SLC12A1: variants seen among roughly 807,000 people sequenced by gnomAD.
The protein encoded by SLC12A1 is solute carrier family 12 member 1, also known as Na-K-2Cl cotransporter.
Under a neutral mutation model 130.4 loss-of-function variants are expected in SLC12A1, and 89 were observed. The ratio of observed to expected loss-of-function variants is 0.68; its 90% CI spans 0.58 to 0.81. The LOEUF (loss-of-function observed/expected upper bound fraction) is 0.81. Among genes scored for constraint, SLC12A1 ranks in the 40% least tolerant of loss-of-function variants. The pLI, the probability that SLC12A1 is intolerant of heterozygous loss-of-function variation, is 0.00. For synonymous variants in SLC12A1, 499 were observed against 460.0 expected (o/e 1.08, Z -1.09); for missense variants, 1,310 against 1,336.4 (o/e 0.98, Z 0.31).
At chr15:48,268,958 C>G (rs2141089371) in intron 18 of SLC12A1, among the ~76,000 whole-genome samples, 1 of 152,180 alleles carries the variant, frequency 6.6e-6, no homozygotes, top group East Asian at 1.9e-4. Flanking sequence ...AAAATTTGAA[C>G]ATGCATACAT....
chr15:48,221,110 G>A (rs1416285432), intron 4 of SLC12A1, 114 bp downstream of exon 4: 3 of 1,009,816 alleles, frequency 3.0e-6, no homozygotes, highest in African/African-American at 1.6e-5. Flanking sequence ...ATAATTTACA[G>A]TTGGGCTCCT....
intron 4 of SLC12A1, chr15:48,224,771 G>T (rs1052630277): frequency 6.6e-6 from 1 of 152,082 alleles, no homozygotes; most frequent in Non-Finnish European, 1.5e-5. Flanking sequence ...TTTTTCGGTT[G>T]TCTCAGCTCC....
At chr15:48,226,621 G>A (rs746946155) in intron 5 of SLC12A1, 50 bp downstream of exon 5, 10 of 1,137,748 alleles carry the variant, frequency 8.8e-6, no homozygotes, top group Non-Finnish European at 1.1e-5. Flanking sequence ...ACGGGTAGGC[G>A]AACAATTTTT....
At chr15:48,237,589 A>C (rs907648584) in intron 9 of SLC12A1, among the ~76,000 whole-genome samples, 6 of 152,220 alleles carry the variant, frequency 3.9e-5, no homozygotes, top group African/African-American at 7.2e-5. Flanking sequence ...GGGGGCATAC[A>C]TGGTCATAAT....
At position 48,246,803 on chromosome 15, in the gene SLC12A1, G is replaced by A. The variant is rs1006711385; in HGVS notation, c.1453-106G>A. On this transcript the variant is annotated intron_variant, in intron 11 of 26. Coordinates refer to ENST00000380993, the MANE Select transcript of SLC12A1 (RefSeq NM_000338.3). ...AAACAAACAACAACAACAAGAAAAG[G>A]AATGTGAGAATGAAGCAGGGGGAAA... 3 of 824,424 alleles carry A rather than the reference G, an allele frequency of 3.6e-6. No individual in the cohort carries two copies. In the African/African-American group the frequency reaches 5.1e-5, roughly 14 times the overall value. The allele number at this position is 824,424 out of a possible 1,614,324, so 51.1% of individuals were successfully genotyped here. A position where few individuals can be genotyped will look rare whatever the true frequency, so the allele number is the denominator to read the frequency against.
At chr15:48,261,653 G>T (rs1281883665) in intron 17 of SLC12A1, among the ~76,000 whole-genome samples, 1 of 152,198 alleles carries the variant, frequency 6.6e-6, no homozygotes, top group Non-Finnish European at 1.5e-5. Flanking sequence ...GGGATATAGG[G>T]GGAGTAAGTA....
chr15:48,207,503 G>T, intron 1 of SLC12A1, 31 bp from the exon 2 acceptor site: 1 of 392,560 alleles, frequency 2.5e-6, no homozygotes, highest in Non-Finnish European at 4.5e-6. Flanking sequence ...GTATTACTTG[G>T]AACAAGTTTA....
chr15:48,290,407 A>G (rs2042106725), intron 23 of SLC12A1, among the ~76,000 whole-genome samples: 1 of 152,226 alleles, frequency 6.6e-6, no homozygotes, highest in Admixed American at 6.5e-5. Context: ...AAATAATAAT[A>G]AAAGGTATAG....
chr15:48,247,888 A>G (rs1235764743), intron 13 of SLC12A1, among the ~76,000 whole-genome samples: 26 of 152,164 alleles, frequency 1.7e-4, no homozygotes, highest in Non-Finnish European at 1.5e-5. Context: ...TTCAGGCCCA[A>G]TTCCAGAGTA....
At chr15:48,224,611 C>A (rs577973825) in intron 4 of SLC12A1, 1 of 135,208 alleles carries the variant, frequency 7.4e-6, no homozygotes, top group African/African-American at 2.7e-5. Context: ...TGTGTAGATG[C>A]CTGTGGTGCC....
intron 9 of SLC12A1, among the ~76,000 whole-genome samples, chr15:48,239,080 A>G (rs567666389): frequency 6.6e-6 from 1 of 152,356 alleles, no homozygotes; most frequent in Admixed American, 6.5e-5. Context: ...GCGTGTGGAT[A>G]GAAACTACAT....
chr15:48,301,502 T>TGGGGGGG (rs1555387784), intron 26 of SLC12A1, 120 bp downstream of exon 26: 75 of 439,376 alleles, frequency 1.7e-4, no homozygotes, highest in South Asian at 5.4e-4. Context: ...GTGTTTTTTT[T>TGGGGGGG]GGGGGGGGGA....
intron 10 of SLC12A1, among the ~76,000 whole-genome samples, chr15:48,244,421 T>G (rs1165533804): frequency 6.6e-6 from 1 of 152,190 alleles, no homozygotes; most frequent in Non-Finnish European, 1.5e-5. Flanking sequence ...CAGTTGGTAG[T>G]ACTAAGCCAG....
At chr15:48,273,100 C>CAA (rs58343718) in intron 19 of SLC12A1, among the ~76,000 whole-genome samples, 8,178 of 81,748 alleles carry the variant, frequency 0.1, 793 homozygotes, top group East Asian at 0.32. Flanking sequence ...GTCAGACTGT[C>CAA]AAAAAAAAAA....
chr15:48,247,555 G>C, intron 13 of SLC12A1, 95 bp downstream of exon 13: 1 of 985,580 alleles, frequency 1.0e-6, no homozygotes, highest in Non-Finnish European at 1.5e-6. Flanking sequence ...CTCGTTTTAT[G>C]TTTAGGATCC....
intron 19 of SLC12A1, among the ~76,000 whole-genome samples, chr15:48,270,557 G>A (rs993547282): frequency 1.8e-4 from 27 of 147,198 alleles, no homozygotes; most frequent in Middle Eastern, 7.3e-3. Context: ...TGACTATAAC[G>A]CTATGCTTTC....
rs543947471 is a variant in SLC12A1, at chr15:48,251,691, T to A, written c.1863T>A (p.Phe621Leu). 3 of 1,613,790 alleles carry A rather than the reference T, an allele frequency of 1.9e-6. No homozygotes were observed. The highest frequency in any genetic ancestry group is 3.3e-5 in the Admixed American group (2 of 60,020). ...FGAVLCCAVM[F>L]VINWWAAVIT... ...CTGTTTTGTGCTGTGCAGTCATGTT[T>A]GTCATCAACTGGTGGGCAGCTGTCA... Residue 621 changes from phenylalanine (F) to leucine (L), a missense_variant, in exon 15 of 27, where the codon TTT (phenylalanine) becomes TTA (leucine). By Grantham distance (22) the Phe-to-Leu change is conservative. Coordinates refer to ENST00000380993, the MANE Select transcript of SLC12A1 (RefSeq NM_000338.3).
At chr15:48,266,238 T>C (rs2041830508) in intron 17 of SLC12A1, among the ~76,000 whole-genome samples, 1 of 152,178 alleles carries the variant, frequency 6.6e-6, no homozygotes. Context: ...TGACTCACAG[T>C]TCAGTGTTCC....
At chr15:48,237,174 G>A (rs2041449289) in intron 9 of SLC12A1, 1 of 614,120 alleles carries the variant, frequency 1.6e-6, no homozygotes, top group Non-Finnish European at 2.9e-6. Context: ...CTCAATCCAG[G>A]TTTTGAGGGA....
Sources: gnomAD v4.1 joint callset for allele counts (sites outside exome capture counted in the v4.1 genomes callset) on GRCh38, gnomAD v4.1.1 for gene constraint, MANE v1.5 for transcripts, NCBI Gene and HGNC (gene_info 2026-07-23, HGNC 2026-07-21) for gene names.